CLDN10: variants seen among roughly 807,000 people sequenced by gnomAD.
The protein encoded by CLDN10 is claudin-10.
Under a neutral mutation model 22.9 loss-of-function variants are expected in CLDN10, and 15 were observed. The observed-to-expected ratio is 0.65, with a 90% CI of 0.44 to 1.01. CLDN10 has a LOEUF of 1.01. Ranked by LOEUF, CLDN10 falls within the 50% of genes least tolerant of loss-of-function variation. The pLI is 0.00. For synonymous variants in CLDN10, 114 were observed against 111.4 expected (o/e 1.02, Z -0.15); for missense variants, 247 against 287.8 (o/e 0.86, Z 1.03).
At chr13:95,438,730 G>A (rs1270105761) in intron 1 of CLDN10, among the ~76,000 whole-genome samples, 1 of 152,110 alleles carries the variant, frequency 6.6e-6, no homozygotes, top group Non-Finnish European at 1.5e-5. Flanking sequence ...TGTAATCCCA[G>A]CACTTTGGGA....
At chr13:95,467,367 T>C (rs1226461075) in intron 1 of CLDN10, among the ~76,000 whole-genome samples, 1 of 152,212 alleles carries the variant, frequency 6.6e-6, no homozygotes, top group Non-Finnish European at 1.5e-5. Flanking sequence ...CATCATCAAG[T>C]ATCCAGGAAA....
intron 3 of CLDN10, among the ~76,000 whole-genome samples, chr13:95,569,941 T>C (rs1000637475): frequency 6.6e-6 from 1 of 152,174 alleles, no homozygotes; most frequent in Non-Finnish European, 1.5e-5. Context: ...GCTAATTTTT[T>C]ATATTTTTAG....
chr13:95,482,717 C>A lies in CLDN10; in HGVS notation c.214+48670C>A, dbSNP rs547316281. On this transcript the variant is annotated intron_variant, in intron 1 of 4. Coordinates refer to the CLDN10 transcript ENST00000376873. ...ACTGGCTGGGCGCGGTGGCTCACGC[C>A]TGTAATCCCAGCACTTTGGGAGGCT... 9.2e-5 allele frequency among the ~76,000 whole-genome samples: 14 copies of A among 152,310 alleles called. 1 individual carries two copies. In the East Asian group the frequency reaches 2.7e-3, roughly 29 times the overall value.
At chr13:95,467,209 T>A (rs565544745) in intron 1 of CLDN10, among the ~76,000 whole-genome samples, 107 of 152,170 alleles carry the variant, frequency 7.0e-4, no homozygotes, top group Non-Finnish European at 8.2e-4. Context: ...ACTCCTACTC[T>A]TGATGAATTA....
At chr13:95,472,239 A>T (rs547367397) in intron 1 of CLDN10, among the ~76,000 whole-genome samples, 2 of 152,330 alleles carry the variant, frequency 1.3e-5, no homozygotes, top group African/African-American at 4.8e-5. Flanking sequence ...AGTGATAGCA[A>T]GCAGCCCTCC....
chr13:95,539,146 T>G (rs1035938051), intron 1 of CLDN10, among the ~76,000 whole-genome samples: 1 of 152,252 alleles, frequency 6.6e-6, no homozygotes, highest in Non-Finnish European at 1.5e-5. Context: ...CCCAAAGTGC[T>G]GGGATTACAG....
intron 3 of CLDN10, among the ~76,000 whole-genome samples, chr13:95,570,207 T>C (rs2043836929): frequency 6.6e-6 from 1 of 152,208 alleles, no homozygotes; most frequent in Non-Finnish European, 1.5e-5. Flanking sequence ...CTCTGTGATG[T>C]CAGTTTATTC....
At chr13:95,480,680 G>A (rs2042737441) in intron 1 of CLDN10, among the ~76,000 whole-genome samples, 1 of 152,128 alleles carries the variant, frequency 6.6e-6, no homozygotes, top group Non-Finnish European at 1.5e-5. Context: ...TCTGATTCAG[G>A]ATAATCAAAA....
intron 1 of CLDN10, among the ~76,000 whole-genome samples, chr13:95,470,138 A>G (rs2042616413): frequency 6.6e-6 from 1 of 152,204 alleles, no homozygotes; most frequent in Non-Finnish European, 1.5e-5. Flanking sequence ...TAAGTTAGTG[A>G]AGTGGAGAAC....
At chr13:95,471,453 A>ATATATTTTTTTTT (rs776857009) in intron 1 of CLDN10, among the ~76,000 whole-genome samples, 2 of 106,390 alleles carry the variant, frequency 1.9e-5, no homozygotes, top group African/African-American at 8.0e-5. Context: ...ATATATATAT[A>ATATATTTTTTTTT]TTTTTTTTTT....
chr13:95,471,301 T>C (rs2042628557), intron 1 of CLDN10, among the ~76,000 whole-genome samples: 1 of 151,686 alleles, frequency 6.6e-6, no homozygotes, highest in South Asian at 2.1e-4. Context: ...TGGAGGGGCT[T>C]GTCACAGAAC....
chr13:95,525,344 TTGGG>T (rs2043269831), intron 1 of CLDN10, among the ~76,000 whole-genome samples: 1 of 152,210 alleles, frequency 6.6e-6, no homozygotes. Context: ...ATTGGGTTAT[TTGGG>T]TTTTTATTAT....
chr13:95,524,883 G>T (rs2043264302), intron 1 of CLDN10, among the ~76,000 whole-genome samples: 1 of 143,170 alleles, frequency 7.0e-6, no homozygotes, highest in African/African-American at 2.5e-5. Flanking sequence ...TTTTGAGACA[G>T]AGTTTCACTC....
intron 1 of CLDN10, among the ~76,000 whole-genome samples, chr13:95,504,576 C>T (rs530936900): frequency 6.8e-4 from 103 of 152,246 alleles, no homozygotes; most frequent in African/African-American, 2.4e-3. Flanking sequence ...GACAGGGTTT[C>T]ACCACGTTGG....
chr13:95,439,911 T>C (rs989518017), intron 1 of CLDN10, among the ~76,000 whole-genome samples: 2 of 140,398 alleles, frequency 1.4e-5, no homozygotes, highest in Non-Finnish European at 3.1e-5. Context: ...GCCTCCAAAA[T>C]ATTAACCCTT....
intron 1 of CLDN10, among the ~76,000 whole-genome samples, chr13:95,510,758 A>G (rs1409088792): frequency 6.6e-6 from 1 of 152,132 alleles, no homozygotes; most frequent in Non-Finnish European, 1.5e-5. Flanking sequence ...CACAATAAAG[A>G]AATATTTTAA....
chr13:95,556,415 T>C (rs2043640434), intron 1 of CLDN10, among the ~76,000 whole-genome samples: 1 of 152,172 alleles, frequency 6.6e-6, no homozygotes, highest in African/African-American at 2.4e-5. Flanking sequence ...GTTTTCCTTA[T>C]AAGAAAAATG....
Position 95,560,176 on chromosome 13 carries a change from C to T in CLDN10, c.265C>T (p.Leu89=). ...CRGLMIAAVS[L]GFFGSIFALF... ...AGGACTTATGATCGCTGCTGTCAGC[C>T]TGGGCTTCTTTGGTTCCATATTTGC... Residue 89 remains leucine (L), a synonymous_variant, in exon 2 of 5, where the codon CTG becomes TTG. Coordinates refer to ENST00000299339, the MANE Select transcript of CLDN10 (RefSeq NM_006984.5). 12 of 1,614,150 alleles carry T rather than the reference C, an allele frequency of 7.4e-6. No individual in the cohort carries two copies. The highest frequency in any genetic ancestry group is 1.0e-5 in the Non-Finnish European group (12 of 1,180,000).
chr13:95,472,870 G>A (rs2042649488), intron 1 of CLDN10, among the ~76,000 whole-genome samples: 1 of 152,096 alleles, frequency 6.6e-6, no homozygotes, highest in African/African-American at 2.4e-5. Flanking sequence ...TCCTGGTGCA[G>A]TGGCTCACAC....
Sources: gnomAD v4.1 joint callset for allele counts (sites outside exome capture counted in the v4.1 genomes callset) on GRCh38, gnomAD v4.1.1 for gene constraint, MANE v1.5 for transcripts, NCBI Gene and HGNC (gene_info 2026-07-23, HGNC 2026-07-21) for gene names.